The following NRXN1 variants were observed in gnomAD, a reference collection of about 807,000 sequenced individuals.
The protein encoded by NRXN1 is neurexin 1, also known as neurexin-1.
Under a neutral mutation model 150.9 loss-of-function variants are expected in NRXN1, and 39 were observed. The observed-to-expected ratio is 0.26, with a 90% CI of 0.20 to 0.34. The LOEUF (loss-of-function observed/expected upper bound fraction) is 0.34, where lower values mean the gene tolerates loss of function less well. Among genes scored for constraint, NRXN1 ranks in the 10% least tolerant of loss-of-function variants. The probability of loss-of-function intolerance (pLI) is 1.00; values close to 1 mark genes in which losing one functional copy is unlikely to be tolerated. For synonymous variants in NRXN1, 924 were observed against 757.0 expected, an observed-to-expected ratio of 1.22 and a Z score of -3.62; for missense variants, 1,815 against 1,949.9, an observed-to-expected ratio of 0.93 and a Z score of 1.30.
At chr2:50,964,763 A>G (rs1693785285) in intron 2 of NRXN1, among the ~76,000 whole-genome samples, 1 of 151,514 alleles carries the variant, frequency 6.6e-6, no homozygotes, top group Non-Finnish European at 1.5e-5. Context: ...ACAGCTCCAC[A>G]TAAAAACATT....
At chr2:50,428,165 G>A (rs1247074737) in intron 17 of NRXN1, among the ~76,000 whole-genome samples, 1 of 152,142 alleles carries the variant, frequency 6.6e-6, no homozygotes, top group African/African-American at 2.4e-5. Context: ...TGTAATCCCA[G>A]CACTTTGGGA....
intron 22 of NRXN1, chr2:49,926,432 G>T (rs1299884214): frequency 2.5e-6 from 1 of 398,166 alleles, no homozygotes; most frequent in Non-Finnish European, 4.4e-6. Flanking sequence ...CTTGTTTTTT[G>T]TTGTCTAATA....
intron 17 of NRXN1, among the ~76,000 whole-genome samples, chr2:50,261,485 G>A (rs1194572768): frequency 6.6e-6 from 1 of 151,736 alleles, no homozygotes; most frequent in African/African-American, 2.4e-5. Flanking sequence ...AGAATAAAGT[G>A]TTGGCCAAAA....
chr2:50,510,504 A>C (rs1483999265), intron 12 of NRXN1, among the ~76,000 whole-genome samples: 2 of 149,388 alleles, frequency 1.3e-5, no homozygotes, highest in African/African-American at 4.9e-5. Flanking sequence ...AAAAAAAAAA[A>C]AAAAAAAAAC....
At chr2:50,574,574 C>T (rs1316431314) in intron 8 of NRXN1, among the ~76,000 whole-genome samples, 1 of 152,098 alleles carries the variant, frequency 6.6e-6, no homozygotes. Context: ...CACTTTGCTC[C>T]AGCTCTCTAA....
chr2:50,708,609 G>A (rs977182792), intron 5 of NRXN1, among the ~76,000 whole-genome samples: 6 of 152,036 alleles, frequency 3.9e-5, no homozygotes, highest in Non-Finnish European at 8.8e-5. Context: ...GTTACACAGA[G>A]GGAAGACTTA....
chr2:50,083,600 G>A (rs1215707480), intron 19 of NRXN1, among the ~76,000 whole-genome samples: 1 of 152,118 alleles, frequency 6.6e-6, no homozygotes, highest in Non-Finnish European at 1.5e-5. Flanking sequence ...GAGGACCCCA[G>A]CAGGTGGCCA....
intron 18 of NRXN1, among the ~76,000 whole-genome samples, chr2:50,092,695 C>A (rs753757080): frequency 1.3e-5 from 2 of 152,090 alleles, no homozygotes; most frequent in African/African-American, 2.4e-5. Flanking sequence ...TACGGAAAAT[C>A]TTTTTCAAAA....
intron 22 of NRXN1, among the ~76,000 whole-genome samples, chr2:49,940,016 A>AT (rs996962960): frequency 1.3e-4 from 20 of 152,182 alleles, no homozygotes; most frequent in Non-Finnish European, 2.9e-4. Flanking sequence ...ATGATGCTAG[A>AT]TTTTTCCTGT....
chr2:50,649,916 G>A (rs565246144), intron 5 of NRXN1, among the ~76,000 whole-genome samples: 1 of 152,004 alleles, frequency 6.6e-6, no homozygotes, highest in African/African-American at 2.4e-5. Context: ...AAGCAGCTGT[G>A]GTCATCTACA....
At chr2:50,366,433 CTGT>C (rs1307074054) in intron 17 of NRXN1, among the ~76,000 whole-genome samples, 4 of 151,710 alleles carry the variant, frequency 2.6e-5, no homozygotes, top group Admixed American at 1.3e-4. Context: ...CTTAGACAGG[CTGT>C]TGTGACAGAG....
intron 22 of NRXN1, among the ~76,000 whole-genome samples, chr2:49,929,920 G>T (rs534956785): frequency 3.2e-4 from 49 of 152,212 alleles, no homozygotes; most frequent in Admixed American, 9.8e-4. Context: ...AGTAACAGCT[G>T]GGATATGCAT....
At chr2:50,098,781 A>C (rs1274247986) in intron 18 of NRXN1, among the ~76,000 whole-genome samples, 1 of 147,384 alleles carries the variant, frequency 6.8e-6, no homozygotes, top group East Asian at 2.1e-4. Flanking sequence ...TTAGAGGATG[A>C]GTCAAGAGGA....
At chr2:50,274,110 A>C (rs2070083989) in intron 17 of NRXN1, among the ~76,000 whole-genome samples, 1 of 152,174 alleles carries the variant, frequency 6.6e-6, no homozygotes, top group Non-Finnish European at 1.5e-5. Context: ...ACAATAGCAA[A>C]GACTTGGCAC....
chr2:50,460,821 C>T (rs916870199), intron 17 of NRXN1, among the ~76,000 whole-genome samples: 5 of 151,912 alleles, frequency 3.3e-5, no homozygotes, highest in African/African-American at 7.3e-5. Context: ...TTGCTTTAAA[C>T]AGCTTAAGGG....
At chr2:50,823,877 T>G (rs1670076869) in intron 5 of NRXN1, among the ~76,000 whole-genome samples, 1 of 152,178 alleles carries the variant, frequency 6.6e-6, no homozygotes. Context: ...CTTGTATATT[T>G]CAAATATATG....
chr2:50,294,169 G>C (rs1368236792), intron 17 of NRXN1, among the ~76,000 whole-genome samples: 5 of 152,154 alleles, frequency 3.3e-5, no homozygotes, highest in African/African-American at 1.2e-4. Flanking sequence ...TACTGGATGT[G>C]TCAATTTATG....
At chr2:50,260,629 G>A (rs111506308) in intron 17 of NRXN1, among the ~76,000 whole-genome samples, 3 of 113,068 alleles carry the variant, frequency 2.7e-5, no homozygotes, top group Non-Finnish European at 3.5e-5. Flanking sequence ...TTTTTTTTCC[G>A]TTTTTTTTTT....
At chr2:49,926,775 CTG>C (rs1669184971) in intron 22 of NRXN1, among the ~76,000 whole-genome samples, 1 of 152,118 alleles carries the variant, frequency 6.6e-6, no homozygotes, top group Non-Finnish European at 1.5e-5. Flanking sequence ...GATACAGTAT[CTG>C]TGAAAGAACA....
Sources: gnomAD v4.1 joint callset for allele counts (sites outside exome capture counted in the v4.1 genomes callset) on GRCh38, gnomAD v4.1.1 for gene constraint, MANE v1.5 for transcripts, NCBI Gene and HGNC (gene_info 2026-07-23, HGNC 2026-07-21) for gene names.